MID2: variants seen among roughly 807,000 people sequenced by gnomAD.
MID2 encodes the protein probable E3 ubiquitin-protein ligase MID2.
A neutral mutation model predicts 46.1 loss-of-function variants in MID2; 13 were observed. The observed-to-expected ratio is 0.28, with a 90% CI of 0.18 to 0.45. The LOEUF (loss-of-function observed/expected upper bound fraction) is 0.45. MID2 is among the 20% of genes least tolerant of loss of function. The pLI is 1.00. For synonymous variants in MID2, 199 were observed against 212.3 expected (o/e 0.94, Z 0.55); for missense variants, 431 against 575.4 (o/e 0.75, Z 2.57).
At position 107,840,990 on chromosome X, in the gene MID2, G is replaced by A. The variant is rs1200050028; in HGVS notation, c.325G>A (p.Ala109Thr). 3 of 1,211,482 alleles carry A rather than the reference G, an allele frequency of 2.5e-6. No individual in the cohort carries two copies. Among genetic ancestry groups the A allele is most frequent in the Non-Finnish European group, 3.4e-6 (3 of 895,454 alleles). Reference sequence around the variant, plus strand: ...GAACATTATTGATCGCTTCCAGAAGGCTTCAGTCAGTGGGCCCAATTCCCC... The same window carrying A: ...GAACATTATTGATCGCTTCCAGAAGACTTCAGTCAGTGGGCCCAATTCCCC... Reference protein sequence around the residue: ...LQNIIDRFQKASVSGPNSPSE... With the variant: ...LQNIIDRFQKTSVSGPNSPSE... The change falls in exon 2 of 10, where the codon GCT becomes ACT. Residue 109 changes from alanine (A) to threonine (T), a missense_variant. Transcript: ENST00000262843.
At chrX:107,877,054 G>T (rs905156673) in intron 3 of MID2, among the ~76,000 whole-genome samples, 24 of 111,650 alleles carry the variant, frequency 2.1e-4, no homozygotes, top group African/African-American at 7.2e-4. Context: ...GTGTCTCTGG[G>T]GTTCATTTCT....
Position 107,859,900 on chromosome X carries a change from T to A in MID2, c.816+5196T>A, listed in dbSNP as rs141906917. Among the ~76,000 whole-genome samples the A allele has an allele frequency of 3.2e-3, 361 of 111,376 alleles. 1 individual carries two copies. Among genetic ancestry groups the A allele is most frequent in the Non-Finnish European group, 5.2e-3 (273 of 52,980 alleles). ...CAAGAGGTGAGTATGGAGAAGTGAG[T>A]AGCTTGGGCCCAAATAATAAAGAGC... On this transcript the variant is annotated intron_variant, in intron 3 of 9. Transcript: ENST00000262843.
Position 107,875,813 on chromosome X carries a change from G to T in MID2, c.816+21109G>T, listed in dbSNP as rs1274641675. On this transcript the variant is annotated intron_variant, in intron 3 of 9. Transcript: ENST00000262843. ...GTGCTAAGAGAAGAGAAGGGGCCCGGATTGGAGAGGAGAGCTGAGAGACCA... is the reference window on the plus strand; with the variant it reads ...GTGCTAAGAGAAGAGAAGGGGCCCGTATTGGAGAGGAGAGCTGAGAGACCA... Among the ~76,000 whole-genome samples the T allele has an allele frequency of 3.6e-5, 4 of 111,976 alleles. No homozygotes were observed. The Admixed American group carries it at 3.8e-4, about 11-fold the overall frequency.
intron 3 of MID2, among the ~76,000 whole-genome samples, chrX:107,890,626 C>T (rs1932577199): frequency 8.9e-6 from 1 of 112,019 alleles, no homozygotes; most frequent in Non-Finnish European, 1.9e-5. Context: ...GCTGGGAGAA[C>T]CACTCCTCTC....
chrX:107,871,354 G>A (rs765789132), intron 3 of MID2, among the ~76,000 whole-genome samples: 1 of 111,602 alleles, frequency 9.0e-6, no homozygotes, highest in African/African-American at 3.3e-5. Context: ...GCGCAGGTGA[G>A]CAGGTGAAGG....
intron 3 of MID2, among the ~76,000 whole-genome samples, chrX:107,868,053 T>C (rs1006289706): frequency 8.9e-6 from 1 of 112,232 alleles, no homozygotes; most frequent in South Asian, 3.7e-4. Context: ...GTGGTAATGG[T>C]TACAAAATTC....
intron 3 of MID2, among the ~76,000 whole-genome samples, chrX:107,880,497 A>G (rs377234781): frequency 1.8e-5 from 2 of 111,295 alleles, no homozygotes; most frequent in African/African-American, 6.5e-5. Context: ...GTTCTCTTGC[A>G]TGCTGAGTCG....
chrX:107,886,260 A>G (rs745823871), intron 3 of MID2, among the ~76,000 whole-genome samples: 424 of 112,116 alleles, frequency 3.8e-3, no homozygotes, highest in Non-Finnish European at 6.0e-3. Flanking sequence ...TTTTAGGTCT[A>G]ACATTTAAGT....
At chrX:107,925,991 T>G in intron 8 of MID2, 103 bp from the exon 9 acceptor site, 1 of 582,451 alleles carries the variant, frequency 1.7e-6, no homozygotes. Flanking sequence ...AGAGTGATCA[T>G]GTTATCGAGC....
intron 3 of MID2, among the ~76,000 whole-genome samples, chrX:107,862,025 A>G (rs1270114937): frequency 8.9e-6 from 1 of 112,137 alleles, no homozygotes; most frequent in Non-Finnish European, 1.9e-5. Flanking sequence ...CAGTTTCACC[A>G]TCTATAAAAC....
chrX:107,864,645 G>A (rs1931920008), intron 3 of MID2, among the ~76,000 whole-genome samples: 1 of 111,703 alleles, frequency 9.0e-6, no homozygotes, highest in Non-Finnish European at 1.9e-5. Context: ...CAGTAAAGAT[G>A]TACTCTCAAA....
intron 5 of MID2, among the ~76,000 whole-genome samples, chrX:107,914,441 T>C (rs1361188980): frequency 3.6e-5 from 4 of 112,470 alleles, no homozygotes; most frequent in African/African-American, 1.3e-4. Context: ...AGTTTATCAC[T>C]GAAACATCTC....
intron 7 of MID2, among the ~76,000 whole-genome samples, chrX:107,921,008 A>G (rs1053938265): frequency 8.9e-6 from 1 of 111,916 alleles, no homozygotes; most frequent in African/African-American, 3.2e-5. Flanking sequence ...CAATACTTTT[A>G]TCTAACCACC....
At chrX:107,900,393 C>T (rs1458288283) in intron 3 of MID2, among the ~76,000 whole-genome samples, 1 of 111,386 alleles carries the variant, frequency 9.0e-6, no homozygotes, top group East Asian at 2.8e-4. Flanking sequence ...AGCTTGCTGT[C>T]TAATTGAAGA....
intron 7 of MID2, among the ~76,000 whole-genome samples, chrX:107,922,368 G>T (rs1394079173): frequency 4.5e-5 from 5 of 112,301 alleles, no homozygotes; most frequent in Non-Finnish European, 7.5e-5. Context: ...CCACTACATT[G>T]ATGTAATTAT....
intron 5 of MID2, among the ~76,000 whole-genome samples, chrX:107,905,966 G>A (rs1248433291): frequency 8.9e-6 from 1 of 111,977 alleles, no homozygotes; most frequent in Non-Finnish European, 1.9e-5. Flanking sequence ...CAGTCTGCAT[G>A]CAGTTTCTAT....
At chrX:107,894,243 C>T (rs190455374) in intron 3 of MID2, among the ~76,000 whole-genome samples, 182 of 110,461 alleles carry the variant, frequency 1.6e-3, no homozygotes, top group Non-Finnish European at 2.7e-3. Context: ...GAATAGGTAC[C>T]GAGAAAGGAT....
At chrX:107,923,925 A>G (rs1327438336) in intron 7 of MID2, among the ~76,000 whole-genome samples, 3 of 111,826 alleles carry the variant, frequency 2.7e-5, no homozygotes, top group Non-Finnish European at 5.6e-5. Flanking sequence ...CCTTTGGCTG[A>G]GTTTCCATGT....
intron 5 of MID2, among the ~76,000 whole-genome samples, chrX:107,909,762 A>T (rs1367599336): frequency 4.4e-5 from 5 of 112,651 alleles, no homozygotes; most frequent in Admixed American, 3.7e-4. Flanking sequence ...TGAAGGCATG[A>T]CTTCATTGTC....
Sources: allele counts gnomAD v4.1 joint callset (sites outside exome capture counted in the v4.1 genomes callset), GRCh38; gene constraint gnomAD v4.1.1; transcripts MANE v1.5; gene names NCBI Gene and HGNC (gene_info 2026-07-23, HGNC 2026-07-21).